Variants in ASAP1 observed in about 807,000 individuals in gnomAD.
ASAP1 encodes the protein ArfGAP with SH3 domain, ankyrin repeat and PH domain 1.
Under a neutral mutation model 145.2 loss-of-function variants are expected in ASAP1, and 43 were observed. That is an observed-to-expected ratio of 0.30 (90% CI 0.23 to 0.38). ASAP1 has a LOEUF of 0.38. Ranked by LOEUF, ASAP1 falls within the 10% of genes least tolerant of loss-of-function variation. The pLI, the probability that ASAP1 is intolerant of heterozygous loss-of-function variation, is 1.00. For synonymous variants in ASAP1, 546 were observed against 515.5 expected (o/e 1.06, Z -0.80); for missense variants, 1,018 against 1,355.3 (o/e 0.75, Z 3.91).
At chr8:130,104,779 T>C (rs2097534296) in intron 24 of ASAP1, among the ~76,000 whole-genome samples, 1 of 152,226 alleles carries the variant, frequency 6.6e-6, no homozygotes, top group Admixed American at 6.5e-5. Flanking sequence ...AATATCCTTG[T>C]ATATCTGGTT....
chr8:130,395,367 C>A (rs1245556721), intron 2 of ASAP1, among the ~76,000 whole-genome samples: 2 of 152,210 alleles, frequency 1.3e-5, no homozygotes, highest in Non-Finnish European at 2.9e-5. Context: ...GAAATAGGGT[C>A]TTTGCAGATA....
chr8:130,282,505 A>T (rs959150323), intron 3 of ASAP1, among the ~76,000 whole-genome samples: 2 of 152,170 alleles, frequency 1.3e-5, no homozygotes, highest in Admixed American at 6.5e-5. Flanking sequence ...TACCATCTGC[A>T]CTCCACGTGG....
intron 5 of ASAP1, among the ~76,000 whole-genome samples, chr8:130,210,538 A>C (rs573987988): frequency 1.3e-5 from 2 of 152,324 alleles, no homozygotes; most frequent in South Asian, 4.1e-4. Flanking sequence ...TAACTCACCA[A>C]TGAGAGAAAT....
chr8:130,119,834 A>G (rs2135670229), intron 18 of ASAP1, among the ~76,000 whole-genome samples: 1 of 152,138 alleles, frequency 6.6e-6, no homozygotes, highest in African/African-American at 2.4e-5. Flanking sequence ...TGGGGATAAG[A>G]CATTGGTATA....
At chr8:130,189,762 T>C (rs114591750) in intron 5 of ASAP1, among the ~76,000 whole-genome samples, 4,007 of 152,292 alleles carry the variant, frequency 0.026, 63 homozygotes, top group Middle Eastern at 0.044. Flanking sequence ...TACTAATTTA[T>C]ATTACCACCA....
At chr8:130,127,679 G>T (rs1304853940) in intron 16 of ASAP1, among the ~76,000 whole-genome samples, 1 of 152,066 alleles carries the variant, frequency 6.6e-6, no homozygotes, top group Non-Finnish European at 1.5e-5. Context: ...TTATATACCT[G>T]GACCTTATAG....
intron 27 of ASAP1, among the ~76,000 whole-genome samples, chr8:130,070,245 G>A (rs1031772782): frequency 6.6e-6 from 1 of 152,128 alleles, no homozygotes; most frequent in Non-Finnish European, 1.5e-5. Context: ...CACCGTGTTA[G>A]CCAGGATGGT....
chr8:130,343,482 C>T (rs1312326958), intron 3 of ASAP1, among the ~76,000 whole-genome samples: 4 of 152,206 alleles, frequency 2.6e-5, no homozygotes, highest in Non-Finnish European at 5.9e-5. Flanking sequence ...TTTGGAGAAA[C>T]TTAAATCGAG....
At chr8:130,335,580 C>T (rs1479251924) in intron 3 of ASAP1, among the ~76,000 whole-genome samples, 1 of 152,172 alleles carries the variant, frequency 6.6e-6, no homozygotes, top group Non-Finnish European at 1.5e-5. Flanking sequence ...TCAACAGTGC[C>T]TAAAGAGCAT....
At chr8:130,134,433 C>T (rs1441428959) in intron 14 of ASAP1, 89 bp from the exon 15 acceptor site, 3 of 746,994 alleles carry the variant, frequency 4.0e-6, no homozygotes, top group African/African-American at 1.8e-5. Flanking sequence ...GGGAAGAAAA[C>T]CAGTAAAAGT....
At chr8:130,417,866 G>T (rs923843960) in intron 1 of ASAP1, among the ~76,000 whole-genome samples, 4 of 152,226 alleles carry the variant, frequency 2.6e-5, no homozygotes, top group African/African-American at 9.6e-5. Context: ...CTGCAGGAAA[G>T]CCTCGCTGTA....
chr8:130,058,857 G>A (rs921781489), intron 28 of ASAP1, among the ~76,000 whole-genome samples: 2 of 152,064 alleles, frequency 1.3e-5, no homozygotes, highest in Non-Finnish European at 1.5e-5. Flanking sequence ...GCTGCTTTCC[G>A]AGCTCCCTTC....
At chr8:130,114,073 C>T (rs1307615864) in intron 23 of ASAP1, among the ~76,000 whole-genome samples, 1 of 152,190 alleles carries the variant, frequency 6.6e-6, no homozygotes, top group Non-Finnish European at 1.5e-5. Flanking sequence ...TGAGCCACAG[C>T]ACTCAGTTAT....
At chr8:130,064,705 C>G (rs1370679929) in intron 27 of ASAP1, among the ~76,000 whole-genome samples, 2 of 152,114 alleles carry the variant, frequency 1.3e-5, no homozygotes, top group Admixed American at 1.3e-4. Flanking sequence ...CGTTAGATCC[C>G]ACAGCTTGAG....
chr8:130,340,541 G>C (rs1158367237), intron 3 of ASAP1, among the ~76,000 whole-genome samples: 2 of 152,120 alleles, frequency 1.3e-5, no homozygotes, highest in Non-Finnish European at 2.9e-5. Flanking sequence ...TTATACTCTT[G>C]TACCCAATGC....
intron 13 of ASAP1, among the ~76,000 whole-genome samples, chr8:130,144,085 T>G (rs1047224839): frequency 2.0e-5 from 3 of 152,236 alleles, no homozygotes; most frequent in African/African-American, 7.2e-5. Context: ...ATTATGGTCA[T>G]TTCAAAGTTT....
chr8:130,284,785 C>T (rs745431608), intron 3 of ASAP1, among the ~76,000 whole-genome samples: 1 of 151,668 alleles, frequency 6.6e-6, no homozygotes, highest in South Asian at 2.1e-4. Context: ...TCCCTCCCCC[C>T]ATAAGAATAC....
chr8:130,396,208 A>G (rs935996017), intron 2 of ASAP1, among the ~76,000 whole-genome samples: 1 of 152,226 alleles, frequency 6.6e-6, no homozygotes, highest in Non-Finnish European at 1.5e-5. Flanking sequence ...AAGAGACTTG[A>G]GCAAATTAGA....
intron 4 of ASAP1, among the ~76,000 whole-genome samples, chr8:130,220,615 T>C (rs1378050026): frequency 6.6e-6 from 1 of 152,192 alleles, no homozygotes; most frequent in Non-Finnish European, 1.5e-5. Flanking sequence ...GGTGGGCAGA[T>C]GGCTTGAGCC....
Sources: gnomAD v4.1 joint callset for allele counts (sites outside exome capture counted in the v4.1 genomes callset) on GRCh38, gnomAD v4.1.1 for gene constraint, MANE v1.5 for transcripts, NCBI Gene and HGNC (gene_info 2026-07-23, HGNC 2026-07-21) for gene names.